Variants in GRIA1 observed in about 807,000 individuals in gnomAD.
GRIA1 encodes the protein glutamate receptor 1.
Under a neutral mutation model 99.2 loss-of-function variants are expected in GRIA1, and 31 were observed. The observed-to-expected ratio is 0.31, with a 90% CI of 0.23 to 0.42. GRIA1 has a LOEUF of 0.42. Ranked by LOEUF, GRIA1 falls within the 10% of genes least tolerant of loss-of-function variation. The pLI, the probability that GRIA1 is intolerant of heterozygous loss-of-function variation, is 1.00. For synonymous variants in GRIA1, 438 were observed against 432.4 expected, an observed-to-expected ratio of 1.01 and a Z score of -0.16; for missense variants, 782 against 1,157.5, an observed-to-expected ratio of 0.68 and a Z score of 4.71.
chr5:153,664,513 C>CA (rs1340394292), intron 5 of GRIA1, among the ~76,000 whole-genome samples: 1 of 146,402 alleles, frequency 6.8e-6, no homozygotes, highest in African/African-American at 2.5e-5. Flanking sequence ...ACCAAAGGCA[C>CA]TTTTTTTTTT....
rs1165417725 is a variant in GRIA1, at chr5:153,598,745, C to T, written c.221-48183C>T. On this transcript the variant is annotated intron_variant, in intron 2 of 15. Transcript: ENST00000285900. ...TATGATATGGTCCACTGAAAATCTA[C>T]AATCTATCTGTCCAATGATACTTTA... Among the ~76,000 whole-genome samples the T allele has an allele frequency of 9.2e-5, 14 of 152,282 alleles. No homozygotes were observed. In the East Asian group the frequency reaches 1.9e-3, roughly 21 times the overall value.
chr5:153,553,751 G>T (rs1760365384), intron 2 of GRIA1, among the ~76,000 whole-genome samples: 1 of 152,136 alleles, frequency 6.6e-6, no homozygotes, highest in Non-Finnish European at 1.5e-5. Flanking sequence ...CTGAGATATT[G>T]GGAAAATGCG....
chr5:153,540,746 TAA>T (rs1478438220), intron 2 of GRIA1, among the ~76,000 whole-genome samples: 1 of 152,062 alleles, frequency 6.6e-6, no homozygotes, highest in African/African-American at 2.4e-5. Flanking sequence ...GGTAAAGCGA[TAA>T]AGACTAGCAA....
intron 5 of GRIA1, among the ~76,000 whole-genome samples, chr5:153,664,650 G>A (rs1010053662): frequency 6.6e-6 from 1 of 152,106 alleles, no homozygotes; most frequent in Non-Finnish European, 1.5e-5. Flanking sequence ...TAACTTGAAA[G>A]CAAGGACCAC....
chr5:153,796,114 G>A (rs566291675), intron 14 of GRIA1, among the ~76,000 whole-genome samples: 1 of 146,402 alleles, frequency 6.8e-6, no homozygotes, highest in Non-Finnish European at 1.5e-5. Context: ...AAGGGCCATT[G>A]AATTGGCCTC....
intron 2 of GRIA1, among the ~76,000 whole-genome samples, chr5:153,587,905 G>C (rs995341330): frequency 6.6e-6 from 1 of 152,178 alleles, no homozygotes; most frequent in African/African-American, 2.4e-5. Context: ...TTACCAAGGG[G>C]AGAAGGACAT....
chr5:153,571,842 G>A (rs1459689600), intron 2 of GRIA1, among the ~76,000 whole-genome samples: 1 of 152,142 alleles, frequency 6.6e-6, no homozygotes, highest in East Asian at 1.9e-4. Context: ...GTTATATCTT[G>A]CTTCCCATGG....
intron 2 of GRIA1, among the ~76,000 whole-genome samples, chr5:153,563,260 C>G (rs1396817773): frequency 6.6e-6 from 1 of 151,984 alleles, no homozygotes; most frequent in Non-Finnish European, 1.5e-5. Context: ...AAGTCAGTCA[C>G]TGAGACAGTA....
intron 11 of GRIA1, among the ~76,000 whole-genome samples, chr5:153,712,185 G>A (rs1197791981): frequency 6.6e-6 from 1 of 152,150 alleles, no homozygotes; most frequent in African/African-American, 2.4e-5. Context: ...CCCAGTAGCT[G>A]GCATTACAGG....
chr5:153,784,259 G>A (rs1764827320), intron 13 of GRIA1, among the ~76,000 whole-genome samples: 1 of 152,106 alleles, frequency 6.6e-6, no homozygotes, highest in Middle Eastern at 3.4e-3. Flanking sequence ...AGGAAAACTG[G>A]GACAGCTGGT....
intron 11 of GRIA1, among the ~76,000 whole-genome samples, chr5:153,723,306 C>T (rs1454114176): frequency 1.3e-5 from 2 of 152,200 alleles, no homozygotes; most frequent in African/African-American, 2.4e-5. Flanking sequence ...CAGCTCCCAG[C>T]GTGAGTGACA....
Position 153,739,229 on chromosome 5 carries a change from A to G in GRIA1, c.1824-25205A>G, listed in dbSNP as rs984960544. On this transcript the variant is annotated intron_variant, in intron 11 of 15. Transcript: ENST00000285900. ...TTTCCACCAAGGATCTCATTGTATC[A>G]CCTCTGCCATTCTTCCACTGGGGGA... Among the ~76,000 whole-genome samples, 3 of 151,702 alleles carry G rather than the reference A, an allele frequency of 2.0e-5. No homozygotes were observed. The East Asian group carries it at 5.8e-4, about 29-fold the overall frequency.
At position 153,589,695 on chromosome 5, in the gene GRIA1, A is replaced by C. The variant is rs1005520850; in HGVS notation, c.221-57233A>C. On this transcript the variant is annotated intron_variant, in intron 2 of 15. Coordinates refer to ENST00000285900, the MANE Select transcript of GRIA1 (RefSeq NM_000827.4). ...CCAGAGGTTCAGAGTCCTTGCGTGC[A>C]TCTGCATTTACTCTCAGGTTGGCAC... Among the ~76,000 whole-genome samples, 3 of 152,186 alleles carry C rather than the reference A, an allele frequency of 2.0e-5. No homozygotes were observed. In the South Asian group the frequency reaches 6.2e-4, roughly 32 times the overall value.
rs117121206 is a variant in GRIA1, at chr5:153,660,518, G to A, written c.699+4646G>A. On this transcript the variant is annotated intron_variant, in intron 5 of 15. Coordinates refer to ENST00000285900, the MANE Select transcript of GRIA1 (RefSeq NM_000827.4). ...TACCGTGCCATGTGAGTGCTGGACA[G>A]GGAGAGTTGGGGAAAGAGTCAGGAA... Among the ~76,000 whole-genome samples the A allele has an allele frequency of 2.2e-3, 333 of 152,286 alleles. 11 individuals are homozygous for A. In the East Asian group the frequency reaches 0.04, roughly 18 times the overall value.
chr5:153,575,967 A>G (rs1306889379), intron 2 of GRIA1, among the ~76,000 whole-genome samples: 1 of 152,206 alleles, frequency 6.6e-6, no homozygotes, highest in African/African-American at 2.4e-5. Context: ...AGCCCCAGCT[A>G]CTGTTACCAA....
intron 11 of GRIA1, among the ~76,000 whole-genome samples, chr5:153,747,847 A>G (rs1762259931): frequency 6.6e-6 from 1 of 152,252 alleles, no homozygotes; most frequent in South Asian, 2.1e-4. Context: ...TGTTCACTGC[A>G]GCACAACTAT....
chr5:153,645,992 G>A (rs1278795938), intron 2 of GRIA1, among the ~76,000 whole-genome samples: 1 of 152,052 alleles, frequency 6.6e-6, no homozygotes, highest in Non-Finnish European at 1.5e-5. Flanking sequence ...GGTCTCACTG[G>A]GGCAAAGATT....
At chr5:153,585,361 T>G (rs1246013991) in intron 2 of GRIA1, among the ~76,000 whole-genome samples, 1 of 127,566 alleles carries the variant, frequency 7.8e-6, no homozygotes, top group African/African-American at 2.9e-5. Flanking sequence ...CAGGCTGGAG[T>G]ACACTGTCGC....
chr5:153,526,046 G>T (rs912534175), intron 2 of GRIA1, among the ~76,000 whole-genome samples: 10 of 152,200 alleles, frequency 6.6e-5, no homozygotes, highest in African/African-American at 2.2e-4. Context: ...GTGGTGAAAA[G>T]GTCCTGGGTT....
Sources: allele counts gnomAD v4.1 joint callset (sites outside exome capture counted in the v4.1 genomes callset), GRCh38; gene constraint gnomAD v4.1.1; transcripts MANE v1.5; gene names NCBI Gene and HGNC (gene_info 2026-07-23, HGNC 2026-07-21).